CSMD1: variants seen among roughly 807,000 people sequenced by gnomAD.
CSMD1 encodes CUB and sushi domain-containing protein 1.
A neutral mutation model predicts 417.5 loss-of-function variants in CSMD1; 213 were observed. The ratio of observed to expected loss-of-function variants is 0.51; its 90% CI spans 0.46 to 0.57. The LOEUF is 0.57. Among genes scored for constraint, CSMD1 ranks in the 20% least tolerant of loss-of-function variants. The pLI is 0.00. For missense variants in CSMD1, 6,923 were observed against 4,529.7 expected (o/e 1.53, Z -15.17); for synonymous variants, 2,862 against 1,736.8 (o/e 1.65, Z -16.11).
At chr8:4,558,463 T>C (rs937709402) in intron 2 of CSMD1, among the ~76,000 whole-genome samples, 2 of 152,314 alleles carry the variant, frequency 1.3e-5, no homozygotes, top group South Asian at 2.1e-4. Context: ...GGGTTGCAGT[T>C]TGACTTCAAA....
At chr8:3,799,432 T>C (rs917128849) in intron 5 of CSMD1, among the ~76,000 whole-genome samples, 2 of 124,110 alleles carry the variant, frequency 1.6e-5, no homozygotes, top group Admixed American at 2.0e-4. Context: ...GTGTGTGATG[T>C]TCCCCTTCTT....
intron 7 of CSMD1, among the ~76,000 whole-genome samples, chr8:3,692,971 G>C (rs1205294819): frequency 3.9e-5 from 6 of 151,948 alleles, no homozygotes; most frequent in African/African-American, 7.3e-5. Context: ...TGATTAACTT[G>C]GATATGACTT....
chr8:3,168,912 T>A (rs1224961275), intron 37 of CSMD1, among the ~76,000 whole-genome samples: 1 of 146,318 alleles, frequency 6.8e-6, no homozygotes, highest in Non-Finnish European at 1.5e-5. Flanking sequence ...TTAGGGGAAG[T>A]AAAATGTTCT....
At chr8:3,044,831 T>G (rs1190510154) in intron 50 of CSMD1, among the ~76,000 whole-genome samples, 2 of 152,218 alleles carry the variant, frequency 1.3e-5, no homozygotes, top group African/African-American at 4.8e-5. Flanking sequence ...AGTGTACTGA[T>G]CTACATATTA....
chr8:4,258,614 G>T (rs1197834872), intron 3 of CSMD1, among the ~76,000 whole-genome samples: 1 of 151,554 alleles, frequency 6.6e-6, no homozygotes, highest in Admixed American at 6.6e-5. Flanking sequence ...TTCTCATAGG[G>T]GCACTCATTC....
At chr8:3,819,721 G>T (rs914120862) in intron 5 of CSMD1, among the ~76,000 whole-genome samples, 1 of 151,998 alleles carries the variant, frequency 6.6e-6, no homozygotes, top group South Asian at 2.1e-4. Context: ...TGGGGAACTG[G>T]GACCACAGGC....
intron 5 of CSMD1, among the ~76,000 whole-genome samples, chr8:3,896,035 A>G (rs983486747): frequency 6.6e-6 from 1 of 152,356 alleles, no homozygotes; most frequent in South Asian, 2.1e-4. Flanking sequence ...AGAAAGGAAG[A>G]AATGACTGCG....
intron 5 of CSMD1, among the ~76,000 whole-genome samples, chr8:3,951,954 T>G (rs1811626901): frequency 6.6e-6 from 1 of 152,064 alleles, no homozygotes; most frequent in Non-Finnish European, 1.5e-5. Flanking sequence ...TACATAATTA[T>G]GAAAGTAATA....
chr8:4,254,817 C>A (rs1470859216), intron 3 of CSMD1, among the ~76,000 whole-genome samples: 1 of 152,120 alleles, frequency 6.6e-6, no homozygotes, highest in Non-Finnish European at 1.5e-5. Flanking sequence ...ACCCCAGAGC[C>A]TAGGTGTGCC....
At chr8:4,312,315 A>G (rs979361081) in intron 3 of CSMD1, among the ~76,000 whole-genome samples, 1 of 151,062 alleles carries the variant, frequency 6.6e-6, no homozygotes, top group Admixed American at 6.6e-5. Context: ...ACACATGATC[A>G]TACCTACTTT....
At chr8:3,361,366 T>C (rs10111638) in intron 20 of CSMD1, among the ~76,000 whole-genome samples, 7,246 of 152,176 alleles carry the variant, frequency 0.048, 203 homozygotes, top group Middle Eastern at 0.092. Context: ...CTGTGGCTCA[T>C]ACCTGTAATC....
intron 25 of CSMD1, among the ~76,000 whole-genome samples, chr8:3,294,492 T>G (rs1443986704): frequency 1.3e-5 from 2 of 152,084 alleles, no homozygotes; most frequent in Non-Finnish European, 2.9e-5. Context: ...TTCTGGGCCG[T>G]TTTTTTAGTC....
chr8:3,716,473 T>A (rs2720795), intron 6 of CSMD1, among the ~76,000 whole-genome samples: 1 of 152,282 alleles, frequency 6.6e-6, no homozygotes, highest in South Asian at 2.1e-4. Context: ...TAGAGTAACT[T>A]TGTGATGCTG....
At chr8:3,991,893 G>C (rs1005628479) in intron 5 of CSMD1, among the ~76,000 whole-genome samples, 2 of 152,064 alleles carry the variant, frequency 1.3e-5, no homozygotes, top group African/African-American at 2.4e-5. Flanking sequence ...GGGAATAGTA[G>C]TATCTCCAAG....
intron 26 of CSMD1, among the ~76,000 whole-genome samples, chr8:3,230,555 C>G (rs895262727): frequency 1.3e-5 from 2 of 152,018 alleles, no homozygotes; most frequent in Admixed American, 1.3e-4. Flanking sequence ...TTCTCTTCAG[C>G]AATATTTTAA....
Position 2,936,622 on chromosome 8 carries a change from A to G in CSMD1, c.*1963T>C, listed in dbSNP as rs1801505738. Reference sequence around the variant, plus strand: ...AAAACTGTGCAGAGAATTCAGCATAATGATACAGAATCCAACAGCGTGGGG... The same window carrying G: ...AAAACTGTGCAGAGAATTCAGCATAGTGATACAGAATCCAACAGCGTGGGG... On this transcript the variant is annotated 3_prime_UTR_variant, in exon 70 of 70. Transcript: ENST00000635120. 6.6e-6 allele frequency: 1 copy of G among 152,230 alleles called. No homozygotes were observed. The highest frequency in any genetic ancestry group is 1.5e-5 in the Non-Finnish European group (1 of 68,070). The allele number at this position is 152,230 out of a possible 1,614,324, so 9.4% of individuals were successfully genotyped here.
chr8:4,427,612 T>A (rs533341393), intron 2 of CSMD1, among the ~76,000 whole-genome samples: 8 of 152,274 alleles, frequency 5.3e-5, no homozygotes, highest in African/African-American at 1.9e-4. Flanking sequence ...AAGTAAAAAT[T>A]ATTGTAAATT....
chr8:3,486,281 T>C (rs1818028482), intron 11 of CSMD1, among the ~76,000 whole-genome samples: 1 of 149,610 alleles, frequency 6.7e-6, no homozygotes, highest in Non-Finnish European at 1.5e-5. Context: ...CTATTTTTTA[T>C]CTACCATTCT....
chr8:3,393,587 C>T (rs1469451050), intron 17 of CSMD1, among the ~76,000 whole-genome samples: 1 of 152,024 alleles, frequency 6.6e-6, no homozygotes, highest in Non-Finnish European at 1.5e-5. Context: ...TTGGAAACAA[C>T]CCAAATGCCT....
Sources: gnomAD v4.1 joint callset for allele counts (sites outside exome capture counted in the v4.1 genomes callset) on GRCh38, gnomAD v4.1.1 for gene constraint, MANE v1.5 for transcripts, NCBI Gene and HGNC (gene_info 2026-07-23, HGNC 2026-07-21) for gene names.